Variants in MZB1 observed in about 807,000 individuals in gnomAD.
MZB1 encodes marginal zone B and B1 cell specific protein, also known as marginal zone B- and B1-cell-specific protein.
A neutral mutation model predicts 17.2 loss-of-function variants in MZB1; 10 were observed. The ratio of observed to expected loss-of-function variants is 0.58; its 90% CI spans 0.36 to 0.98. The LOEUF (loss-of-function observed/expected upper bound fraction) is 0.98, where lower values mean the gene tolerates loss of function less well. MZB1 is among the 50% of genes least tolerant of loss of function. The pLI is 0.01. For missense variants in MZB1, 246 were observed against 237.5 expected, an observed-to-expected ratio of 1.04 and a Z score of -0.23; for synonymous variants, 99 against 98.7, an observed-to-expected ratio of 1.00 and a Z score of -0.02.
rs1159983132 is a variant in MZB1 at position 139,389,808 on chromosome 5, TG to T, written c.48del (p.Ile17SerfsTer66). 4.5e-6 allele frequency: 7 copies of T among 1,550,546 alleles called. No homozygotes were observed. Among genetic ancestry groups the T allele is most frequent in the Non-Finnish European group, 4.4e-6 (5 of 1,147,132 alleles). The part of the protein sequence containing the change: ...PLLLLLLGAW[A>X]IPGGLGDRAP... ...GCCCTGTCCCCGAGGCCCCCTGGGA[TG>T]GCCCAGGCTCCCAGCAGCAGCAGCA... is the stretch of plus-strand genomic sequence containing the variant. On this transcript the variant is annotated frameshift_variant, in exon 1 of 4. Transcript: ENST00000302125. LOFTEE classifies it high-confidence loss of function.
intron 1 of MZB1, chr5:139,388,900 G>A (rs902799356): frequency 1.3e-5 from 3 of 223,480 alleles, no homozygotes; most frequent in African/African-American, 4.6e-5. Context: ...AGAGTCTCAC[G>A]CCGTTCGTCG....
rs575410755 is a variant in MZB1 at position 139,387,698 on chromosome 5, C to T, written c.*67G>A. ...AAGGGCTTCCTGCCCTCCTGGCTGC[C>T]TGCAGACGGGAGTGGAGACCGTCAG... On this transcript the variant is annotated 3_prime_UTR_variant, in exon 4 of 4. Transcript: ENST00000302125. 13 of 1,467,026 alleles carry T rather than the reference C, an allele frequency of 8.9e-6. No homozygotes were observed. In the African/African-American group the frequency reaches 1.9e-4, roughly 21 times the overall value. 90.9% of individuals were successfully genotyped at this position (1,467,026 alleles called of 1,614,324 possible). A position where few individuals can be genotyped will look rare whatever the true frequency, so the allele number is the denominator to read the frequency against.
intron 2 of MZB1, 85 bp from the exon 3 acceptor site, chr5:139,388,216 C>A (rs1260675497): frequency 5.3e-6 from 7 of 1,330,272 alleles, no homozygotes; most frequent in Non-Finnish European, 7.2e-6. Context: ...GCTGGACATG[C>A]TGGGCATTTG....
At chr5:139,389,623 G>T (rs1758576807) in intron 1 of MZB1, 57 bp downstream of exon 1, 2 of 1,532,336 alleles carry the variant, frequency 1.3e-6, no homozygotes, top group Non-Finnish European at 1.8e-6. Context: ...GTGGGTGGAG[G>T]GGTCTGGCTT....
chr5:139,388,388 G>A (rs919227360), intron 2 of MZB1, 73 bp downstream of exon 2: 33 of 1,457,368 alleles, frequency 2.3e-5, no homozygotes, highest in Middle Eastern at 2.2e-4. Context: ...TTGTGTGAGC[G>A]GCTGAGTGGG....
chr5:139,388,074 C>G lies in MZB1; in HGVS notation c.360G>C (p.Glu120Asp). 6.4e-7 allele frequency: 1 copy of G among 1,553,310 alleles called. No individual in the cohort carries two copies. The highest frequency in any genetic ancestry group is 8.7e-7 in the Non-Finnish European group (1 of 1,148,076). ...TCACGCTGATGCTTGGCTCTGGCCC[C>G]TCGCTAAGTCCTGGGCCTGTGAGAC... ...VKRLTGPGLSEGPEPSISVMV... is the reference protein window; with the variant it reads ...VKRLTGPGLSDGPEPSISVMV... The change falls in exon 3 of 4, where the codon GAG becomes GAC. Residue 120 changes from glutamate (E) to aspartate (D), a missense_variant. Transcript: ENST00000302125.
intron 1 of MZB1, chr5:139,389,310 GAC>G (rs1758569123): frequency 2.2e-6 from 1 of 463,512 alleles, no homozygotes; most frequent in Non-Finnish European, 4.3e-6. Context: ...TGTGAAGCCA[GAC>G]ACACGCATAC....
At position 139,387,773 on chromosome 5, in the gene MZB1, C is replaced by T. The variant is rs1758538970; in HGVS notation, c.562G>A (p.Glu188Lys). Reference sequence around the variant, plus strand: ...GAGGGTAGAGTCCAGGACTAGAGCTCTTCTCTTGTGGCTGACACCTTCTCT... The same window carrying T: ...GAGGGTAGAGTCCAGGACTAGAGCTTTTCTCTTGTGGCTGACACCTTCTCT... The part of the protein sequence containing the change: ...CSEKVSATRE[E>K]L The change falls in exon 4 of 4, where the codon GAG (glutamate) becomes AAG (lysine). Residue 188 changes from glutamate (E) to lysine (K), a missense_variant. By Grantham distance (56) the Glu-to-Lys change is moderately conservative. Coordinates refer to ENST00000302125, the MANE Select transcript of MZB1 (RefSeq NM_016459.4). 1 of 1,544,236 alleles carries T rather than the reference C, an allele frequency of 6.5e-7. No individual in the cohort carries two copies. The highest frequency in any genetic ancestry group is 1.3e-5 in the South Asian group (1 of 77,586).
At position 139,387,921 on chromosome 5, in the gene MZB1, C is replaced by A; in HGVS notation, c.414G>T (p.Arg138Ser). Residue 138 changes from arginine (R) to serine (S), a missense_variant and splice_region_variant, in exon 4 of 4, where the codon AGG becomes AGT. Physicochemically the swap from Arg to Ser is moderately radical, Grantham distance 110. Coordinates refer to ENST00000302125, the MANE Select transcript of MZB1 (RefSeq NM_016459.4). ...VMVTGGPWPTRLSRTCLHYLG... is the reference protein window; with the variant it reads ...VMVTGGPWPTSLSRTCLHYLG... Reference sequence around the variant, plus strand: ...AGTAGTGCAAACATGTCCTGGAGAGCCTAGGGGAGCCCAGCAGGAGCCTCA... The same window carrying A: ...AGTAGTGCAAACATGTCCTGGAGAGACTAGGGGAGCCCAGCAGGAGCCTCA... 1 of 1,577,174 alleles carries A rather than the reference C, an allele frequency of 6.3e-7. No homozygotes were observed.
At chr5:139,388,694 C>A (rs1191504698) in intron 1 of MZB1, 109 bp from the exon 2 acceptor site, 1 of 1,494,112 alleles carries the variant, frequency 6.7e-7, no homozygotes, top group Admixed American at 2.1e-5. Flanking sequence ...GGCAAGAGAG[C>A]CGTTTGAGCA....
chr5:139,389,614 T>G, intron 1 of MZB1, 66 bp downstream of exon 1: 1 of 1,509,658 alleles, frequency 6.6e-7, no homozygotes. Flanking sequence ...GAATGTGAGG[T>G]GGGTGGAGGG....
intron 1 of MZB1, 53 bp from the exon 2 acceptor site, chr5:139,388,638 G>A (rs748358870): frequency 6.3e-7 from 1 of 1,583,836 alleles, no homozygotes. Flanking sequence ...GCTCAGTTAG[G>A]GGGAGGTGGG....
At position 139,388,554 on chromosome 5, in the gene MZB1, T is replaced by C; in HGVS notation, c.209A>G (p.Lys70Arg). 4 of 1,601,824 alleles carry C rather than the reference T, an allele frequency of 2.5e-6. No individual in the cohort carries two copies. The highest frequency in any genetic ancestry group is 3.4e-6 in the Non-Finnish European group (4 of 1,174,184). ...CCCCCCAGAGTTTGAGGTATGAAGT[T>C]TGGTCTCTGCCTTTGCCAGATTTTG... ...MWQNLAKAET[K>R]LHTSNSGGRR... The change falls in exon 2 of 4, where the codon AAA becomes AGA. Residue 70 changes from lysine (K) to arginine (R), a missense_variant. Coordinates refer to ENST00000302125, the MANE Select transcript of MZB1 (RefSeq NM_016459.4).
At position 139,387,858 on chromosome 5, in the gene MZB1, G is replaced by C. The variant is rs1425860309; in HGVS notation, c.477C>G (p.His159Gln). 1.2e-6 allele frequency: 2 copies of C among 1,607,294 alleles called. No individual in the cohort carries two copies. Among genetic ancestry groups the C allele is most frequent in the Admixed American group, 3.4e-5 (2 of 58,312 alleles). The change falls in exon 4 of 4, where the codon CAC becomes CAG. Residue 159 changes from histidine to glutamine, a missense_variant. By Grantham distance (24) the His-to-Gln change is conservative. Transcript: ENST00000302125. ...EFGEDQIYEAHQQGRGALEAL... is the reference protein window; with the variant it reads ...EFGEDQIYEAQQQGRGALEAL... ...CCTCCAGAGCCCCTCGGCCTTGTTGGTGGGCTTCATAGATCTGGTCTTCTC... is the reference window on the plus strand; with the variant it reads ...CCTCCAGAGCCCCTCGGCCTTGTTGCTGGGCTTCATAGATCTGGTCTTCTC...
Position 139,387,742 on chromosome 5 carries a change from T to C in MZB1, c.*23A>G, listed in dbSNP as rs766680842. 1 of 1,499,404 alleles carries C rather than the reference T, an allele frequency of 6.7e-7. No individual in the cohort carries two copies. Among genetic ancestry groups the C allele is most frequent in the East Asian group, 2.4e-5 (1 of 41,648 alleles). 92.9% of individuals were successfully genotyped at this position (1,499,404 alleles called of 1,614,324 possible). On this transcript the variant is annotated 3_prime_UTR_variant, in exon 4 of 4. Coordinates refer to ENST00000302125, the MANE Select transcript of MZB1 (RefSeq NM_016459.4). ...CCGTCAGAGCAAGCCCCAGCTTCTT[T>C]CAGAGGAGGGTAGAGTCCAGGACTA... is the stretch of plus-strand genomic sequence containing the variant.
At position 139,388,064 on chromosome 5, in the gene MZB1, G is replaced by A; in HGVS notation, c.370C>T (p.Pro124Ser). The A allele has an allele frequency of 6.4e-7, 1 of 1,554,122 alleles. No individual in the cohort carries two copies. Among genetic ancestry groups the A allele is most frequent in the South Asian group, 1.2e-5 (1 of 84,350 alleles). ...CCTGTGACCATCACGCTGATGCTTG[G>A]CTCTGGCCCCTCGCTAAGTCCTGGG... ...TGPGLSEGPEPSISVMVTGGP... is the reference protein window; with the variant it reads ...TGPGLSEGPESSISVMVTGGP... The change falls in exon 3 of 4, where the codon CCA becomes TCA. Residue 124 changes from proline (P) to serine (S), a missense_variant. Transcript: ENST00000302125.
At chr5:139,388,337 C>T in intron 2 of MZB1, 124 bp downstream of exon 2, 3 of 1,208,960 alleles carry the variant, frequency 2.5e-6, no homozygotes, top group Non-Finnish European at 3.4e-6. Flanking sequence ...TCATCCCAGC[C>T]AGCCCCTCCC....
intron 2 of MZB1, 91 bp downstream of exon 2, chr5:139,388,370 T>C: frequency 1.5e-6 from 2 of 1,329,252 alleles, no homozygotes; most frequent in African/African-American, 1.5e-5. Flanking sequence ...CCTAGAGGAG[T>C]GTGTGTGTTG....
At chr5:139,389,389 G>A (rs1314617583) in intron 1 of MZB1, 2 of 631,026 alleles carry the variant, frequency 3.2e-6, no homozygotes, top group Non-Finnish European at 5.9e-6. Context: ...CCCCGTCAGG[G>A]TTGGGGAGGG....
Sources: gnomAD v4.1 joint callset for allele counts on GRCh38, gnomAD v4.1.1 for gene constraint, MANE v1.5 for transcripts, NCBI Gene and HGNC (gene_info 2026-07-23, HGNC 2026-07-21) for gene names.